The following HSF2BP variants were observed in gnomAD, a reference collection of about 807,000 sequenced individuals.
HSF2BP encodes heat shock factor 2-binding protein.
In HSF2BP, 35 loss-of-function variants were observed where a neutral mutation model predicts 35.0. The observed-to-expected ratio is 1.00, with a 90% confidence interval of 0.76 to 1.32. HSF2BP has a LOEUF of 1.32. HSF2BP is among the 40% of genes most tolerant of loss of function. HSF2BP has a pLI of 0.00. For synonymous variants in HSF2BP, 114 were observed against 117.4 expected, an observed-to-expected ratio of 0.97 and a Z score of 0.18; for missense variants, 326 against 321.7, an observed-to-expected ratio of 1.01 and a Z score of -0.10.
intron 4 of HSF2BP, among the ~76,000 whole-genome samples, chr21:43,637,052 G>A (rs1361999124): frequency 6.6e-6 from 1 of 152,010 alleles, no homozygotes; most frequent in Admixed American, 6.6e-5. Flanking sequence ...ACTTTGGAAG[G>A]CCAAGGCGGG....
intron 3 of HSF2BP, among the ~76,000 whole-genome samples, chr21:43,646,166 T>C (rs1008671052): frequency 1.4e-5 from 2 of 145,460 alleles, no homozygotes; most frequent in Non-Finnish European, 3.0e-5. Context: ...AAAAAAAAAG[T>C]GGTTCTCAGA....
rs2081906876 is a variant in HSF2BP, at chr21:43,590,047, GTCT to G, written c.796+2175_796+2177del. Among the ~76,000 whole-genome samples the G allele has an allele frequency of 2.0e-5, 3 of 152,258 alleles. No homozygotes were observed. In the South Asian group the frequency reaches 6.2e-4, roughly 32 times the overall value. ...ATAAACTTTATCACAATTAAGATAGGTCTTCTGCTCTTCAGAAGATGCTCTTAA... is the reference window on the plus strand; with the variant it reads ...ATAAACTTTATCACAATTAAGATAGGTCTGCTCTTCAGAAGATGCTCTTAA... On this transcript the variant is annotated intron_variant, in intron 8 of 8. Coordinates refer to ENST00000291560, the MANE Select transcript of HSF2BP (RefSeq NM_007031.2).
intron 7 of HSF2BP, 27 bp downstream of exon 7, chr21:43,613,803 T>C (rs748867834): frequency 2.1e-6 from 3 of 1,435,482 alleles, no homozygotes; most frequent in Admixed American, 1.7e-5. Flanking sequence ...GTAAATAGAA[T>C]TAACTTTTTA....
At position 43,597,376 on chromosome 21, in the gene HSF2BP, C is replaced by T. The variant is rs557507838; in HGVS notation, c.693-5048G>A. On this transcript the variant is annotated intron_variant, in intron 7 of 8. Transcript: ENST00000291560. The surrounding 1 kb of genome is among the most constrained non-coding windows in gnomAD (Gnocchi z 4.3). ...CAAATAAACACTGAACTAGCACAGC[C>T]GGCTAGGATGAGGAGAGTAAGCCAC... Among the ~76,000 whole-genome samples the T allele has an allele frequency of 4.6e-5, 7 of 152,202 alleles. No individual in the cohort carries two copies. In the South Asian group the frequency reaches 1.2e-3, roughly 27 times the overall value.
chr21:43,635,787 C>T (rs896142705), intron 4 of HSF2BP, among the ~76,000 whole-genome samples: 5 of 151,956 alleles, frequency 3.3e-5, no homozygotes, highest in African/African-American at 9.6e-5. Context: ...CATGGTGGCA[C>T]GGGCCTGTAA....
intron 8 of HSF2BP, among the ~76,000 whole-genome samples, chr21:43,588,101 G>A (rs933728388): frequency 1.3e-5 from 2 of 152,200 alleles, no homozygotes; most frequent in African/African-American, 4.8e-5. Flanking sequence ...GTACTGGCCC[G>A]GCACGGTGGC....
intron 8 of HSF2BP, among the ~76,000 whole-genome samples, chr21:43,582,076 G>GA (rs2081751222): frequency 7.5e-6 from 1 of 133,842 alleles, no homozygotes; most frequent in Non-Finnish European, 1.6e-5. Flanking sequence ...TGTGGGAGAT[G>GA]AGGGCCTGCT....
Position 43,644,284 on chromosome 21 carries a change from G to A in HSF2BP, c.291+5C>T, listed in dbSNP as rs1470278161. On this transcript the variant is annotated splice_donor_5th_base_variant and intron_variant, in intron 4 of 8. Coordinates refer to ENST00000291560, the MANE Select transcript of HSF2BP (RefSeq NM_007031.2). ...TTGGTGAGAGTCTGTCCCTGAGCAT[G>A]GTACCTTCTTCTCTCTTATGTTGTC... is the stretch of plus-strand genomic sequence containing the variant. 3 of 1,609,862 alleles carry A rather than the reference G, an allele frequency of 1.9e-6. No individual in the cohort carries two copies. The South Asian group carries it at 3.3e-5, about 18-fold the overall frequency.
intron 4 of HSF2BP, among the ~76,000 whole-genome samples, chr21:43,642,892 C>T (rs1367850466): frequency 1.3e-5 from 2 of 149,244 alleles, no homozygotes; most frequent in African/African-American, 5.0e-5. Context: ...CTCCACCTCC[C>T]AGGTTCAAGC....
intron 8 of HSF2BP, among the ~76,000 whole-genome samples, chr21:43,591,850 G>A (rs2081928992): frequency 2.0e-5 from 3 of 152,206 alleles, no homozygotes; most frequent in Admixed American, 6.5e-5. Flanking sequence ...CCTTTGTCCA[G>A]CATATGCTAT....
At position 43,648,147 on chromosome 21, in the gene HSF2BP, A is replaced by G. The variant is rs371610655; in HGVS notation, c.188-3755T>C. Among the ~76,000 whole-genome samples, 71 of 151,872 alleles carry G rather than the reference A, an allele frequency of 4.7e-4. 2 individuals are homozygous for G. The South Asian group carries it at 0.015, about 32-fold the overall frequency. Reference sequence around the variant, plus strand: ...CACCTTCTCTGTCCATAAGCTCCCCAAGTGTTTTTTTTCCCTCTACTTTCC... The same window carrying G: ...CACCTTCTCTGTCCATAAGCTCCCCGAGTGTTTTTTTTCCCTCTACTTTCC... On this transcript the variant is annotated intron_variant, in intron 3 of 8. Coordinates refer to ENST00000291560, the MANE Select transcript of HSF2BP (RefSeq NM_007031.2).
At chr21:43,603,115 TA>T (rs920089600) in intron 7 of HSF2BP, among the ~76,000 whole-genome samples, 16 of 151,994 alleles carry the variant, frequency 1.1e-4, no homozygotes, top group Admixed American at 9.2e-4. Context: ...ACAAGTCTAA[TA>T]AAAAAAATAA....
chr21:43,499,788 A>G, the HSF2BP span, among the ~76,000 whole-genome samples: 9,413 of 127,314 alleles, frequency 0.074, 1,460 homozygotes, highest in Admixed American at 0.21. Context: ...CCACACTTAT[A>G]CCACACACGC....
At chr21:43,567,733 T>C (rs2081557831) in intron 8 of HSF2BP, among the ~76,000 whole-genome samples, 1 of 3,762 alleles carries the variant, frequency 2.7e-4, no homozygotes, top group Non-Finnish European at 4.0e-4. Flanking sequence ...AACTGAAAAG[T>C]CCTCCACAGA....
rs151276209 is a variant in HSF2BP at position 43,633,394 on chromosome 21, T to C, written c.319A>G (p.Asn107Asp). 11 of 1,610,998 alleles carry C rather than the reference T, an allele frequency of 6.8e-6. No individual in the cohort carries two copies. The African/African-American group carries it at 1.3e-4, about 20-fold the overall frequency. The change falls in exon 5 of 9, where the codon AAT (asparagine) becomes GAT (aspartate). Residue 107 changes from asparagine to aspartate, a missense_variant. Coordinates refer to ENST00000291560, the MANE Select transcript of HSF2BP (RefSeq NM_007031.2). ...TGCAGGAGTTGCTGCTTCGCTTCAT[T>C]CAACTGCTGTCGAAGAGCCAGTTTC... ...KEKLALRQQL[N>D]EAKQQLLQQA...
chr21:43,641,651 G>C (rs917596387), intron 4 of HSF2BP, among the ~76,000 whole-genome samples: 2 of 151,946 alleles, frequency 1.3e-5, no homozygotes, highest in African/African-American at 4.8e-5. Flanking sequence ...CACTCATACA[G>C]AAGTACTTAC....
At chr21:43,582,127 G>C (rs2081753543) in intron 8 of HSF2BP, among the ~76,000 whole-genome samples, 2 of 128,552 alleles carry the variant, frequency 1.6e-5, no homozygotes, top group Non-Finnish European at 3.3e-5. Flanking sequence ...AGGCCCTGCT[G>C]TGGGGGATGA....
At chr21:43,589,995 A>T (rs1319860342) in intron 8 of HSF2BP, among the ~76,000 whole-genome samples, 5 of 152,228 alleles carry the variant, frequency 3.3e-5, no homozygotes, top group Non-Finnish European at 7.3e-5. Context: ...CTACAACAAA[A>T]GCATGCTTCT....
intron 6 of HSF2BP, among the ~76,000 whole-genome samples, chr21:43,617,335 A>C (rs1232463934): frequency 6.6e-6 from 1 of 152,056 alleles, no homozygotes; most frequent in Non-Finnish European, 1.5e-5. Flanking sequence ...TTTAACTGCA[A>C]ATGCCAATGC....
Sources: gnomAD v4.1 joint callset for allele counts (sites outside exome capture counted in the v4.1 genomes callset) on GRCh38, gnomAD v4.1.1 for gene constraint, Gnocchi (gnomAD v3.1) non-coding constraint, MANE v1.5 for transcripts, NCBI Gene and HGNC (gene_info 2026-07-23, HGNC 2026-07-21) for gene names.